DMD: variants seen among roughly 807,000 people sequenced by gnomAD.
The protein encoded by DMD is dystrophin, also known as mutant dystrophin.
In DMD, 63 loss-of-function variants were observed where a neutral mutation model predicts 330.1. The ratio of observed to expected loss-of-function variants is 0.19; its 90% CI spans 0.16 to 0.24. DMD has a LOEUF of 0.24. Among genes scored for constraint, DMD ranks in the 10% least tolerant of loss-of-function variants. The pLI is 1.00. For missense variants in DMD, 3,344 were observed against 2,684.1 expected, an observed-to-expected ratio of 1.25 and a Z score of -5.43; for synonymous variants, 1,223 against 959.8, an observed-to-expected ratio of 1.27 and a Z score of -5.07.
At chrX:31,861,598 A>AG (rs1226597911) in intron 48 of DMD, among the ~76,000 whole-genome samples, 8 of 105,021 alleles carry the variant, frequency 7.6e-5, no homozygotes, top group Non-Finnish European at 1.4e-4. Context: ...AAAAAAAAAA[A>AG]AGAGACAGTT....
chrX:32,239,083 G>A (rs765950237), intron 43 of DMD, among the ~76,000 whole-genome samples: 31 of 111,808 alleles, frequency 2.8e-4, no homozygotes, highest in Non-Finnish European at 5.5e-4. Flanking sequence ...GTGGATGGCT[G>A]CATGGTGCAT....
At chrX:31,226,128 G>A (rs995994810) in intron 63 of DMD, among the ~76,000 whole-genome samples, 10 of 111,687 alleles carry the variant, frequency 9.0e-5, no homozygotes, top group African/African-American at 3.3e-4. Context: ...TATGAGAAAT[G>A]CAGAATCTCA....
intron 2 of DMD, among the ~76,000 whole-genome samples, chrX:32,935,149 C>T (rs973901199): frequency 8.9e-6 from 1 of 112,513 alleles, no homozygotes; most frequent in Non-Finnish European, 1.9e-5. Flanking sequence ...CCGCTAATTT[C>T]TTGTATTTTT....
chrX:32,792,417 T>G (rs901003683), intron 7 of DMD, among the ~76,000 whole-genome samples: 3 of 111,421 alleles, frequency 2.7e-5, no homozygotes, highest in Non-Finnish European at 5.7e-5. Context: ...AGAAAAAATA[T>G]TCAAAACAAC....
chrX:31,688,419 G>A (rs1179881986), intron 52 of DMD, among the ~76,000 whole-genome samples: 1 of 111,463 alleles, frequency 9.0e-6, no homozygotes, highest in African/African-American at 3.3e-5. Context: ...ACTAAACCAG[G>A]AAGAAGTTGA....
intron 60 of DMD, among the ~76,000 whole-genome samples, chrX:31,370,658 T>TG (rs2059507986): frequency 8.9e-6 from 1 of 112,504 alleles, no homozygotes; most frequent in South Asian, 3.7e-4. Flanking sequence ...AACTACCATA[T>TG]GACCTAACAA....
chrX:32,535,587 AC>A (rs979385504), intron 17 of DMD, among the ~76,000 whole-genome samples: 11 of 111,290 alleles, frequency 9.9e-5, no homozygotes, highest in African/African-American at 3.6e-4. Flanking sequence ...TGGTAATATC[AC>A]TTTTTCTGTA....
At chrX:32,684,473 CTA>C (rs1449586054) in intron 9 of DMD, among the ~76,000 whole-genome samples, 2 of 111,332 alleles carry the variant, frequency 1.8e-5, no homozygotes, top group Non-Finnish European at 1.9e-5. Context: ...CCTGTTTTAA[CTA>C]TGTCTTACAT....
rs182208368 is a variant in DMD, at chrX:32,207,058, A to T, written c.6438+9858T>A. ...AAAAGTATTTTAATAAAGTAAAAAA[A>T]ATGATAAAGGTAATCACATTAGAAG... is the stretch of plus-strand genomic sequence containing the variant. On this transcript the variant is annotated intron_variant, in intron 44 of 78. Coordinates refer to ENST00000357033, the MANE Select transcript of DMD (RefSeq NM_004006.3). Among the ~76,000 whole-genome samples the T allele has an allele frequency of 2.6e-3, 287 of 112,012 alleles. 1 individual carries two copies. Among genetic ancestry groups the T allele is most frequent in the Middle Eastern group, 9.3e-3 (2 of 215 alleles).
chrX:32,106,798 G>T (rs2096565947), intron 44 of DMD, among the ~76,000 whole-genome samples: 1 of 111,343 alleles, frequency 9.0e-6, no homozygotes, highest in Non-Finnish European at 1.9e-5. Context: ...TTCACTTCAT[G>T]GTCTCCACTT....
chrX:32,931,827 G>A, intron 2 of DMD, among the ~76,000 whole-genome samples: 1 of 111,457 alleles, frequency 9.0e-6, no homozygotes, highest in African/African-American at 3.3e-5. Context: ...TCATAAAGCT[G>A]TATTTCATTT....
intron 44 of DMD, among the ~76,000 whole-genome samples, chrX:32,030,054 T>G (rs1247294477): frequency 2.7e-5 from 3 of 112,131 alleles, no homozygotes; most frequent in Admixed American, 9.5e-5. Flanking sequence ...GACGGAGTTA[T>G]GAAGTGCTAG....
chrX:33,244,915 A>G (rs1394953599), intron 1 of DMD, among the ~76,000 whole-genome samples: 1 of 112,066 alleles, frequency 8.9e-6, no homozygotes, highest in Admixed American at 9.5e-5. Context: ...TGCTTTTGAA[A>G]CAAATTATCA....
At chrX:32,615,688 C>G (rs1055935169) in intron 11 of DMD, among the ~76,000 whole-genome samples, 1 of 111,268 alleles carries the variant, frequency 9.0e-6, no homozygotes, top group Non-Finnish European at 1.9e-5. Context: ...AAAGTGCACA[C>G]ATAGCTGAGA....
intron 1 of DMD, among the ~76,000 whole-genome samples, chrX:33,310,974 C>A (rs947362813): frequency 9.1e-6 from 1 of 110,363 alleles, no homozygotes; most frequent in Non-Finnish European, 1.9e-5. Context: ...AAGAATGAAT[C>A]GAGAGTTTTG....
chrX:32,934,690 T>C (rs1241835710), intron 2 of DMD, among the ~76,000 whole-genome samples: 2 of 111,266 alleles, frequency 1.8e-5, no homozygotes, highest in African/African-American at 6.6e-5. Context: ...AACAAACATA[T>C]GTCCATCCCA....
At chrX:32,143,709 AT>A (rs752110896) in intron 44 of DMD, among the ~76,000 whole-genome samples, 6,156 of 99,105 alleles carry the variant, frequency 0.062, 277 homozygotes, top group Admixed American at 0.17. Context: ...CGCATGGCTA[AT>A]TTTTTTTTTT....
intron 1 of DMD, among the ~76,000 whole-genome samples, chrX:33,087,094 C>A (rs901878081): frequency 2.7e-5 from 3 of 111,491 alleles, no homozygotes; most frequent in African/African-American, 9.8e-5. Flanking sequence ...CAGGCCAATT[C>A]CCCTCCTCTA....
rs939118496 is a variant in DMD at position 32,306,635 on chromosome X, T to A, written c.6117+3447A>T. On this transcript the variant is annotated intron_variant, in intron 42 of 78. Coordinates refer to ENST00000357033, the MANE Select transcript of DMD (RefSeq NM_004006.3). The stretch of plus-strand genomic sequence containing the variant: ...CCTGATATTTTTTCTTTCCTTCCAT[T>A]TATTTCCTCCTTGTTTCTCTCCTTA... Among the ~76,000 whole-genome samples, 44 of 110,788 alleles carry A rather than the reference T, an allele frequency of 4.0e-4. 1 individual carries two copies. The highest frequency in any genetic ancestry group is 1.4e-3 in the African/African-American group (44 of 30,595).
Sources: gnomAD v4.1 joint callset for allele counts (sites outside exome capture counted in the v4.1 genomes callset) on GRCh38, gnomAD v4.1.1 for gene constraint, MANE v1.5 for transcripts, NCBI Gene and HGNC (gene_info 2026-07-23, HGNC 2026-07-21) for gene names.